The following COL5A1 variants were observed in gnomAD, a reference collection of about 807,000 sequenced individuals.
The protein encoded by COL5A1 is collagen alpha-1(V) chain.
A neutral mutation model predicts 263.7 loss-of-function variants in COL5A1; 16 were observed. The ratio of observed to expected loss-of-function variants is 0.06; its 90% CI spans 0.04 to 0.09. The LOEUF (loss-of-function observed/expected upper bound fraction) is 0.09. Among genes scored for constraint, COL5A1 ranks in the 10% least tolerant of loss-of-function variants. The pLI is 1.00. For synonymous variants in COL5A1, 1,012 were observed against 1,004.5 expected (o/e 1.01, Z -0.14); for missense variants, 2,036 against 2,540.5 (o/e 0.80, Z 4.27).
At position 134,789,106 on chromosome 9, in the gene COL5A1, A is replaced by C. The variant is rs763036725; in HGVS notation, c.2647-49A>C. On this transcript the variant is annotated intron_variant, in intron 31 of 65. Transcript: ENST00000371817. The surrounding 1 kb of genome is among the most constrained non-coding windows in gnomAD (Gnocchi z 4.8). ...TCCCCCAGGCGGCCCATGCAGCATGACTCATTCCTGGCCCAGCTCTGATGC... is the reference window on the plus strand; with the variant it reads ...TCCCCCAGGCGGCCCATGCAGCATGCCTCATTCCTGGCCCAGCTCTGATGC... The C allele has an allele frequency of 6.4e-7, 1 of 1,564,602 alleles. No homozygotes were observed. The highest frequency in any genetic ancestry group is 8.8e-7 in the Non-Finnish European group (1 of 1,136,936).
Position 134,765,633 on chromosome 9 carries a change from T to C in COL5A1, c.2035-48T>C. 1 of 1,557,786 alleles carries C rather than the reference T, an allele frequency of 6.4e-7. No individual in the cohort carries two copies. Among genetic ancestry groups the C allele is most frequent in the Non-Finnish European group, 8.9e-7 (1 of 1,128,778 alleles). ...GGGCATAGGGGACAGAGAGGAGGGC[T>C]GGGATTTCTGCCCGAGTTTAAATCC... On this transcript the variant is annotated intron_variant, in intron 20 of 65. Transcript: ENST00000371817. This position sits in a 1 kb window ranked among gnomAD's most constrained non-coding sequence, Gnocchi z 5.1.
intron 37 of COL5A1, among the ~76,000 whole-genome samples, chr9:134,799,802 C>T (rs978193198): frequency 1.3e-5 from 2 of 152,204 alleles, no homozygotes; most frequent in African/African-American, 4.8e-5. Context: ...GCATATTTTT[C>T]TCTAATGCCT....
chr9:134,748,481 A>C (rs1254819047), intron 11 of COL5A1, among the ~76,000 whole-genome samples: 1 of 152,252 alleles, frequency 6.6e-6, no homozygotes, highest in Non-Finnish European at 1.5e-5. Context: ...ACTGACCCCA[A>C]ATCTTAAATG....
chr9:134,803,450 C>T (rs1838182997), intron 39 of COL5A1, among the ~76,000 whole-genome samples: 1 of 152,088 alleles, frequency 6.6e-6, no homozygotes, highest in Non-Finnish European at 1.5e-5. Context: ...GCCTGGCCAA[C>T]ATGACGAAAC....
chr9:134,674,962 T>C (rs1425560227), intron 1 of COL5A1, among the ~76,000 whole-genome samples: 1 of 152,202 alleles, frequency 6.6e-6, no homozygotes, highest in African/African-American at 2.4e-5. Context: ...GCCTTGAGCA[T>C]TTCCTCACGT....
At position 134,681,909 on chromosome 9, in the gene COL5A1, TTCTG is replaced by T. The variant is rs553510734; in HGVS notation, c.110-8997_110-8994del. ...TCTCTCTCTGTCTCTCCCTCTCTCT[TTCTG>T]TCTGTGTAGCTCTCTCTCTCTCCCT... On this transcript the variant is annotated intron_variant, in intron 1 of 65. Coordinates refer to ENST00000371817, the MANE Select transcript of COL5A1 (RefSeq NM_000093.5). This position sits in a 1 kb window ranked among gnomAD's most constrained non-coding sequence, Gnocchi z 4.3. 4.0e-5 allele frequency among the ~76,000 whole-genome samples: 6 copies of T among 151,574 alleles called. No homozygotes were observed. The highest frequency in any genetic ancestry group is 1.3e-4 in the Admixed American group (2 of 15,218).
At chr9:134,793,938 T>C (rs766064904) in intron 32 of COL5A1, among the ~76,000 whole-genome samples, 1 of 152,178 alleles carries the variant, frequency 6.6e-6, no homozygotes, top group Non-Finnish European at 1.5e-5. Context: ...TAGGAAGCAG[T>C]TTTGACTCTG....
Position 134,843,209 on chromosome 9 carries a change from A to C in COL5A1, c.*906A>C, listed in dbSNP as rs989158107. The stretch of plus-strand genomic sequence containing the variant: ...TGATAATTTTCTTTTTTCTACATGC[A>C]CTTAAGACTAAAACACAGGTTTGGA... On this transcript the variant is annotated 3_prime_UTR_variant, in exon 66 of 66. Transcript: ENST00000371817. The C allele has an allele frequency of 2.6e-5, 4 of 151,534 alleles. No individual in the cohort carries two copies. Among genetic ancestry groups the C allele is most frequent in the Admixed American group, 2.6e-4 (4 of 15,188 alleles). 9.4% of individuals were successfully genotyped at this position (151,534 alleles called of 1,614,324 possible).
intron 31 of COL5A1, among the ~76,000 whole-genome samples, chr9:134,787,704 T>C (rs1837513510): frequency 6.6e-6 from 1 of 152,364 alleles, no homozygotes; most frequent in Admixed American, 6.5e-5. Flanking sequence ...CTCTGCAAGC[T>C]GCTGTGCTTT....
At position 134,753,836 on chromosome 9, in the gene COL5A1, C is replaced by T. The variant is rs756090652; in HGVS notation, c.1720-14C>T. On this transcript the variant is annotated splice_polypyrimidine_tract_variant and intron_variant, in intron 14 of 65. Coordinates refer to ENST00000371817, the MANE Select transcript of COL5A1 (RefSeq NM_000093.5). ...CACCTCGAGCAGACATTAACACACA[C>T]CATGTCTCCCTAGGGTCCCCCTGGG... The T allele has an allele frequency of 8.8e-6, 14 of 1,595,302 alleles. No homozygotes were observed. In the South Asian group the frequency reaches 1.5e-4, roughly 18 times the overall value.
rs754953415 is a variant in COL5A1 at position 134,811,516 on chromosome 9, C to T, written c.3607C>T (p.Arg1203Trp). The T allele has an allele frequency of 3.7e-6, 6 of 1,609,932 alleles. No individual in the cohort carries two copies. Among genetic ancestry groups the T allele is most frequent in the East Asian group, 4.5e-5 (2 of 44,698 alleles). ...GGGAGCTGACGGCGAGCCGGGGCCTCGGGGCCAGCAGGGCCTTTTCGGGCA... is the reference window on the plus strand; with the variant it reads ...GGGAGCTGACGGCGAGCCGGGGCCTTGGGGCCAGCAGGGCCTTTTCGGGCA... ...PSGADGEPGP[R>W]GQQGLFGQKG... Residue 1203 changes from arginine to tryptophan, a missense_variant, in exon 46 of 66, where the codon CGG becomes TGG. Coordinates refer to ENST00000371817, the MANE Select transcript of COL5A1 (RefSeq NM_000093.5).
rs1833607343 is a variant in COL5A1 at position 134,699,893 on chromosome 9, C to A, written c.278-16C>A. 6.2e-7 allele frequency: 1 copy of A among 1,613,500 alleles called. No individual in the cohort carries two copies. Among genetic ancestry groups the A allele is most frequent in the South Asian group, 1.1e-5 (1 of 90,964 alleles). On this transcript the variant is annotated splice_polypyrimidine_tract_variant and intron_variant, in intron 2 of 65. Transcript: ENST00000371817. ...GGGCTCCCCGACTGCCTTCTCACCT[C>A]TGTGCTCTGTTCCAGCGTCTGCATT... is the stretch of plus-strand genomic sequence containing the variant.
At chr9:134,740,345 C>T (rs1375354767) in intron 11 of COL5A1, among the ~76,000 whole-genome samples, 1 of 152,212 alleles carries the variant, frequency 6.6e-6, no homozygotes, top group Non-Finnish European at 1.5e-5. Flanking sequence ...TCTGGAGACC[C>T]CTTCCCCCAG....
In COL5A1 at chr9:134,824,734, C is replaced by T; in HGVS notation, c.4833C>T (p.Ile1611=). The part of the protein sequence containing the change: ...YVDYADGMEE[I]FGSLNSLKLE... ...ACTACGCGGACGGCATGGAAGAGAT[C>T]TTCGGCTCTCTCAACTCTCTGAAGC... is the stretch of plus-strand genomic sequence containing the variant. Residue 1611 remains isoleucine (I), a synonymous_variant, in exon 62 of 66, where the codon ATC becomes ATT. Coordinates refer to ENST00000371817, the MANE Select transcript of COL5A1 (RefSeq NM_000093.5). The T allele has an allele frequency of 1.2e-6, 2 of 1,614,240 alleles. No individual in the cohort carries two copies. The highest frequency in any genetic ancestry group is 1.7e-6 in the Non-Finnish European group (2 of 1,180,054).
rs751574545 is a variant in COL5A1, at chr9:134,822,720, G to GC, written c.4609-270dup. On this transcript the variant is annotated intron_variant, in intron 59 of 65. Transcript: ENST00000371817. ...GCCAGGACATGCTCTTTTCCGCTGC[G>GC]CCCCCCCCGCGGCTGTCTGAGCTGG... 1.9e-3 allele frequency among the ~76,000 whole-genome samples: 269 copies of GC among 141,866 alleles called. 1 individual carries two copies. Among genetic ancestry groups the GC allele is most frequent in the African/African-American group, 4.4e-3 (150 of 34,356 alleles). 93.1% of individuals were successfully genotyped at this position (141,866 alleles called of 152,430 possible).
intron 37 of COL5A1, among the ~76,000 whole-genome samples, chr9:134,800,233 C>T (rs192995030): frequency 5.3e-5 from 8 of 152,304 alleles, no homozygotes; most frequent in Admixed American, 2.0e-4. Flanking sequence ...TTTTTTGTTT[C>T]GTGTTAACTT....
At chr9:134,806,961 G>T (rs1364301153) in intron 42 of COL5A1, among the ~76,000 whole-genome samples, 1 of 152,160 alleles carries the variant, frequency 6.6e-6, no homozygotes, top group African/African-American at 2.4e-5. Context: ...AGCATGTCTT[G>T]AGGCCACCCA....
chr9:134,811,206 G>A (rs769850954), intron 44 of COL5A1, 133 bp from the exon 45 acceptor site: 1 of 837,546 alleles, frequency 1.2e-6, no homozygotes, highest in Non-Finnish European at 2.1e-6. Context: ...CGTGGTGCAA[G>A]GAACGACACA....
rs1830137875 is a variant in COL5A1 at position 134,842,516 on chromosome 9, A to G, written c.*213A>G. 1 of 632,856 alleles carries G rather than the reference A, an allele frequency of 1.6e-6. No individual in the cohort carries two copies. Among genetic ancestry groups the G allele is most frequent in the Admixed American group, 2.6e-5 (1 of 39,004 alleles). 39.2% of individuals were successfully genotyped at this position (632,856 alleles called of 1,614,324 possible). ...GCGCCCCCACCTGGAGCTGAATCAC[A>G]TGACCTAGCTGCACCCCAGCGCCTG... is the stretch of plus-strand genomic sequence containing the variant. On this transcript the variant is annotated 3_prime_UTR_variant, in exon 66 of 66. Coordinates refer to ENST00000371817, the MANE Select transcript of COL5A1 (RefSeq NM_000093.5). This position sits in a 1 kb window ranked among gnomAD's most constrained non-coding sequence, Gnocchi z 5.8.
Sources: allele counts gnomAD v4.1 joint callset (sites outside exome capture counted in the v4.1 genomes callset), GRCh38; gene constraint gnomAD v4.1.1; non-coding constraint Gnocchi (gnomAD v3.1); transcripts MANE v1.5; gene names NCBI Gene and HGNC (gene_info 2026-07-23, HGNC 2026-07-21).